Variants in AHCTF1 observed in about 807,000 individuals in gnomAD.
The protein encoded by AHCTF1 is AT-hook containing transcription factor 1, also known as protein ELYS.
A neutral mutation model predicts 248.4 loss-of-function variants in AHCTF1; 24 were observed. The observed-to-expected ratio is 0.10, with a 90% CI of 0.07 to 0.14. The LOEUF is 0.14. Ranked by LOEUF, AHCTF1 falls within the 10% of genes least tolerant of loss-of-function variation. The probability of loss-of-function intolerance (pLI) is 1.00; values close to 1 mark genes in which losing one functional copy is unlikely to be tolerated. For missense variants in AHCTF1, 2,206 were observed against 2,636.2 expected, an observed-to-expected ratio of 0.84 and a Z score of 3.57; for synonymous variants, 786 against 929.8, an observed-to-expected ratio of 0.85 and a Z score of 2.81.
At chr1:246,904,472 A>C (rs994728557) in intron 6 of AHCTF1, among the ~76,000 whole-genome samples, 1 of 152,150 alleles carries the variant, frequency 6.6e-6, no homozygotes, top group African/African-American at 2.4e-5. Flanking sequence ...ACCTTCCTTA[A>C]TAAACAAAAT....
chr1:246,905,728 A>C (rs1190721283), intron 5 of AHCTF1, 71 bp from the exon 6 acceptor site: 1 of 1,265,894 alleles, frequency 7.9e-7, no homozygotes, highest in African/African-American at 1.5e-5. Flanking sequence ...TCATGTAAGA[A>C]CTTGGGTTAG....
intron 12 of AHCTF1, among the ~76,000 whole-genome samples, chr1:246,897,285 G>A (rs961120187): frequency 7.5e-4 from 115 of 152,322 alleles, no homozygotes; most frequent in African/African-American, 2.7e-3. Flanking sequence ...CTGCACTCCA[G>A]TCTGGGCAAC....
At chr1:246,914,534 A>T (rs773669188) in intron 3 of AHCTF1, among the ~76,000 whole-genome samples, 3 of 152,202 alleles carry the variant, frequency 2.0e-5, no homozygotes, top group Admixed American at 1.3e-4. Flanking sequence ...TTACTGTAAT[A>T]ATGTCTATAA....
intron 24 of AHCTF1, among the ~76,000 whole-genome samples, chr1:246,870,031 T>C (rs1662464408): frequency 6.6e-6 from 1 of 151,548 alleles, no homozygotes; most frequent in Non-Finnish European, 1.5e-5. Context: ...ACTATGCACA[T>C]TAAAAGGAGT....
rs374471218 is a variant in AHCTF1, at chr1:246,931,567, C to G, written c.-8+11G>C. ...CGCGCGGGCCCAACCCCCTCCCTCC[C>G]TTCCCCCTACCTGAACGGGGCGGGT... is the stretch of plus-strand genomic sequence containing the variant. On this transcript the variant is annotated intron_variant, in intron 1 of 35. Transcript: ENST00000648844. 6.4e-5 allele frequency: 13 copies of G among 202,842 alleles called. No individual in the cohort carries two copies. In the East Asian group the frequency reaches 1.1e-3, roughly 18 times the overall value. 12.6% of individuals were successfully genotyped at this position (202,842 alleles called of 1,614,324 possible). A position where few individuals can be genotyped will look rare whatever the true frequency, so the allele number is the denominator to read the frequency against.
intron 1 of AHCTF1, among the ~76,000 whole-genome samples, chr1:246,930,531 C>G (rs1291441063): frequency 6.6e-6 from 1 of 151,460 alleles, no homozygotes; most frequent in Non-Finnish European, 1.5e-5. Flanking sequence ...GTAAACCACT[C>G]TAATTTCTTC....
At chr1:246,841,127 T>C in intron 35 of AHCTF1, 129 bp from the exon 36 acceptor site, 1 of 760,482 alleles carries the variant, frequency 1.3e-6, no homozygotes, top group Non-Finnish European at 2.0e-6. Context: ...ATGTAATGGT[T>C]TCAAGGGAAC....
chr1:246,918,276 G>T lies in AHCTF1; in HGVS notation c.95C>A (p.Ser32Tyr). The change falls in exon 2 of 36, where the codon TCT becomes TAT. Residue 32 changes from serine (S) to tyrosine (Y), a missense_variant. Around this residue, in one of 6 missense-constraint regions of AHCTF1, gnomAD observed 69 missense variants for 85.4 expected, o/e 0.81. Coordinates refer to ENST00000648844, the MANE Select transcript of AHCTF1 (RefSeq NM_001323342.2). ...TGCAGCAAACTTTCCACGAAGCACAGATTCTAATGTTATTTCGTCTTCTCC... is the reference window on the plus strand; with the variant it reads ...TGCAGCAAACTTTCCACGAAGCACATATTCTAATGTTATTTCGTCTTCTCC... ...ALGEDEITLE[S>Y]VLRGKFAAGK... is the part of the protein sequence containing the mutation. 6.2e-7 allele frequency: 1 copy of T among 1,610,650 alleles called. No homozygotes were observed. Among genetic ancestry groups the T allele is most frequent in the East Asian group, 2.2e-5 (1 of 44,824 alleles).
Position 246,867,346 on chromosome 1 carries a change from T to G in AHCTF1, c.3245A>C (p.Lys1082Thr), listed in dbSNP as rs1287597578. The change falls in exon 26 of 36, where the codon AAA becomes ACA. Residue 1082 changes from lysine to threonine, a missense_variant. Physicochemically the swap from Lys to Thr is moderately conservative, Grantham distance 78 (BLOSUM62 -1). Transcript: ENST00000648844. ...INSTTPFNSS[K>T]IEEPSPIVYS... is the part of the protein sequence containing the mutation. ...CACTATAGGAGATGGTTCTTCTATT[T>G]TAGAACTATGAAAATAAAAATTTAA... is the stretch of plus-strand genomic sequence containing the variant. The G allele has an allele frequency of 1.3e-6, 2 of 1,573,426 alleles. No homozygotes were observed. Among genetic ancestry groups the G allele is most frequent in the South Asian group, 2.4e-5 (2 of 83,194 alleles).
chr1:246,875,171 G>A (rs1046902489), intron 24 of AHCTF1, among the ~76,000 whole-genome samples: 1 of 151,982 alleles, frequency 6.6e-6, no homozygotes, highest in Non-Finnish European at 1.5e-5. Flanking sequence ...CTACACAACT[G>A]GGACCACTCC....
At chr1:246,895,573 A>G (rs563966995) in intron 13 of AHCTF1, among the ~76,000 whole-genome samples, 2 of 152,302 alleles carry the variant, frequency 1.3e-5, no homozygotes, top group South Asian at 4.1e-4. Context: ...GCCAGGGGTT[A>G]AGGATGGGGC....
chr1:246,920,162 A>G (rs1447591451), intron 1 of AHCTF1, among the ~76,000 whole-genome samples: 3 of 149,582 alleles, frequency 2.0e-5, no homozygotes, highest in Admixed American at 6.6e-5. Flanking sequence ...AAAAAAAAAA[A>G]AAAAAAGAAA....
chr1:246,900,847 T>C (rs1691252), intron 8 of AHCTF1, among the ~76,000 whole-genome samples: 97,005 of 152,046 alleles, frequency 0.64, 33,243 homozygotes, highest in African/African-American at 0.91. Flanking sequence ...AAACGGATGC[T>C]TTTGGGCATT....
intron 33 of AHCTF1, among the ~76,000 whole-genome samples, chr1:246,847,057 C>T (rs1387808449): frequency 6.6e-6 from 1 of 152,106 alleles, no homozygotes; most frequent in Non-Finnish European, 1.5e-5. Context: ...GAGGCCAAGG[C>T]GGGTGGATTA....
chr1:246,910,612 T>C lies in AHCTF1; in HGVS notation c.556+2620A>G, dbSNP rs75206771. On this transcript the variant is annotated intron_variant, in intron 4 of 35. Transcript: ENST00000648844. ...TTGTATTCTTCTAACTATCTGAAGA[T>C]GTCTGAAATCTTCAATAAAAAAATT... 3.8e-3 allele frequency among the ~76,000 whole-genome samples: 584 copies of C among 152,330 alleles called. 6 individuals carry two copies. The highest frequency in any genetic ancestry group is 0.013 in the African/African-American group (556 of 41,572).
intron 24 of AHCTF1, among the ~76,000 whole-genome samples, chr1:246,869,708 T>C (rs1418060973): frequency 7.3e-5 from 11 of 151,188 alleles, no homozygotes; most frequent in Admixed American, 5.9e-4. Context: ...TTGAGAACTG[T>C]TCAGAAAAAA....
intron 18 of AHCTF1, 59 bp downstream of exon 18, chr1:246,888,335 T>C: frequency 1.2e-5 from 19 of 1,612,278 alleles, no homozygotes; most frequent in Non-Finnish European, 1.6e-5. Flanking sequence ...CAGCTAAGCA[T>C]GTCTCCTCCC....
At chr1:246,925,961 T>C (rs1666894355) in intron 1 of AHCTF1, among the ~76,000 whole-genome samples, 1 of 151,198 alleles carries the variant, frequency 6.6e-6, no homozygotes, top group Admixed American at 6.6e-5. Flanking sequence ...GCTACTGGGA[T>C]TGCTTGAGCC....
At chr1:246,870,359 G>A (rs1662499892) in intron 24 of AHCTF1, among the ~76,000 whole-genome samples, 1 of 152,138 alleles carries the variant, frequency 6.6e-6, no homozygotes, top group Non-Finnish European at 1.5e-5. Flanking sequence ...GAAGGTCAAG[G>A]CTACAATGAG....
Sources: allele counts gnomAD v4.1 joint callset (sites outside exome capture counted in the v4.1 genomes callset), GRCh38; gene constraint gnomAD v4.1.1; regional missense constraint gnomAD v4.1.1; transcripts MANE v1.5; gene names NCBI Gene and HGNC (gene_info 2026-07-23, HGNC 2026-07-21).